Variants in ABCC1 observed in about 807,000 individuals in gnomAD.
ABCC1 encodes the protein ATP binding cassette subfamily C member 1 (ABCC1 blood group), also known as multidrug resistance-associated protein 1.
ABCC1 carries 83 observed loss-of-function variants against 172.9 expected under a neutral mutation model. That is an observed-to-expected ratio of 0.48 (90% CI 0.40 to 0.58). The LOEUF is 0.58. ABCC1 is among the 20% of genes least tolerant of loss of function. The pLI is 0.00. For missense variants in ABCC1, 1,817 were observed against 2,002.7 expected (o/e 0.91, Z 1.77); for synonymous variants, 937 against 825.2 (o/e 1.14, Z -2.32).
In ABCC1 at chr16:16,034,580, CTTTTTTTTTTTTT is replaced by C. The variant is rs35163690; in HGVS notation, c.677+1423_677+1435del. 2.4e-5 allele frequency among the ~76,000 whole-genome samples: 2 copies of C among 84,666 alleles called. 1 individual carries two copies. Among genetic ancestry groups the C allele is most frequent in the Non-Finnish European group, 4.4e-5 (2 of 45,832 alleles). 55.5% of individuals were successfully genotyped at this position (84,666 alleles called of 152,430 possible). ...AAGGCATGTAGAGGCTGTATGTTAA[CTTTTTTTTTTTTT>C]TTTTTTTTTTTTGAGATGGAGTCTT... On this transcript the variant is annotated intron_variant, in intron 6 of 30. Transcript: ENST00000399410.
intron 13 of ABCC1, among the ~76,000 whole-genome samples, chr16:16,069,835 C>G (rs2050266865): frequency 6.6e-6 from 1 of 152,042 alleles, no homozygotes; most frequent in Non-Finnish European, 1.5e-5. Context: ...ACCAGCCTGG[C>G]CAACATGGGG....
chr16:16,000,113 A>G (rs1018284511), intron 1 of ABCC1, among the ~76,000 whole-genome samples: 5 of 151,410 alleles, frequency 3.3e-5, no homozygotes, highest in African/African-American at 1.2e-4. Flanking sequence ...TCGGTCTCCC[A>G]AAGTGTTGGG....
rs2048015635 is a variant in ABCC1, at chr16:16,016,748, G to C, written c.615+127G>C. The stretch of plus-strand genomic sequence containing the variant: ...AGCCTCCCTCAACCCCTGATACAGG[G>C]AATATCATCCCACCTACTTTACAGA... On this transcript the variant is annotated intron_variant, in intron 5 of 30. Transcript: ENST00000399410. 6.6e-6 allele frequency: 9 copies of C among 1,357,468 alleles called. No individual in the cohort carries two copies. The South Asian group carries it at 1.3e-4, about 19-fold the overall frequency. The allele number at this position is 1,357,468 out of a possible 1,614,324, so 84.1% of individuals were successfully genotyped here.
intron 17 of ABCC1, among the ~76,000 whole-genome samples, 192 bp from the exon 18 acceptor site, chr16:16,086,622 TTTTTCTTTTC>T (rs150321278): frequency 1.3e-4 from 19 of 151,538 alleles, no homozygotes; most frequent in Admixed American, 4.6e-4. Flanking sequence ...CTTGGCTAAT[TTTTTCTTTTC>T]TTTTCTTTTC....
Position 16,138,714 on chromosome 16 carries a change from C to CTTT in ABCC1, c.4487+173_4487+175dup, listed in dbSNP as rs397973927. On this transcript the variant is annotated intron_variant, in intron 30 of 30. Transcript: ENST00000399410. ...TCATCCTGGATGGTACCAGCTATTT[C>CTTT]TTTTTTTTTTTTTTTTTTTGAGACA... 2.3e-3 allele frequency among the ~76,000 whole-genome samples: 298 copies of CTTT among 129,658 alleles called. 8 individuals carry two copies. The highest frequency in any genetic ancestry group is 8.1e-3 in the African/African-American group (274 of 33,824). 85.1% of individuals were successfully genotyped at this position (129,658 alleles called of 152,430 possible). A position where few individuals can be genotyped will look rare whatever the true frequency, so the allele number is the denominator to read the frequency against.
intron 24 of ABCC1, among the ~76,000 whole-genome samples, chr16:16,124,259 G>A (rs562095703): frequency 1.3e-5 from 2 of 151,554 alleles, no homozygotes; most frequent in African/African-American, 4.8e-5. Context: ...TCTTACAGTT[G>A]ATGTCTTCTT....
intron 23 of ABCC1, among the ~76,000 whole-genome samples, chr16:16,116,692 AG>A (rs2044888142): frequency 1.3e-5 from 2 of 152,044 alleles, no homozygotes; most frequent in African/African-American, 4.8e-5. Flanking sequence ...CCTCCCAAGT[AG>A]CTGGGATTAC....
intron 12 of ABCC1, among the ~76,000 whole-genome samples, chr16:16,057,830 C>T (rs1292766339): frequency 6.6e-6 from 1 of 152,008 alleles, no homozygotes; most frequent in African/African-American, 2.4e-5. Context: ...GGCTGGAGTA[C>T]TGTGGTGCGA....
intron 19 of ABCC1, among the ~76,000 whole-genome samples, 172 bp downstream of exon 19, chr16:16,090,760 C>T (rs988866267): frequency 6.6e-6 from 1 of 152,044 alleles, no homozygotes; most frequent in African/African-American, 2.4e-5. Flanking sequence ...ACCTTAGTCC[C>T]TGCAGCGCTG....
chr16:15,953,139 C>T (rs1188775927), intron 1 of ABCC1, among the ~76,000 whole-genome samples: 3 of 152,040 alleles, frequency 2.0e-5, no homozygotes, highest in Admixed American at 6.5e-5. Context: ...GGTTCAAGAC[C>T]AGCCTGACCA....
In ABCC1 at chr16:16,035,345, T is replaced by C. The variant is rs2048714427; in HGVS notation, c.678-1127T>C. ...ACAGGAGGCAGAGGTTGCAGTGCAC[T>C]GAGATGGCGCCATTACACTCCAGCC... On this transcript the variant is annotated intron_variant, in intron 6 of 30. Transcript: ENST00000399410. Among the ~76,000 whole-genome samples, 3 of 152,064 alleles carry C rather than the reference T, an allele frequency of 2.0e-5. No individual in the cohort carries two copies. In the South Asian group the frequency reaches 6.2e-4, roughly 32 times the overall value.
In ABCC1 at chr16:16,018,764, T is replaced by C. The variant is rs576880283; in HGVS notation, c.615+2143T>C. ...GCGTGTATGTGCTTATATGTGAATGTGTGCTTGTGAGTGTGTTTATGTTCA... is the reference window on the plus strand; with the variant it reads ...GCGTGTATGTGCTTATATGTGAATGCGTGCTTGTGAGTGTGTTTATGTTCA... On this transcript the variant is annotated intron_variant, in intron 5 of 30. Coordinates refer to ENST00000399410, the MANE Select transcript of ABCC1 (RefSeq NM_004996.4). 7.8e-5 allele frequency among the ~76,000 whole-genome samples: 11 copies of C among 141,752 alleles called. No individual in the cohort carries two copies. In the East Asian group the frequency reaches 2.2e-3, roughly 28 times the overall value. The allele number at this position is 141,752 out of a possible 152,430, so 93.0% of individuals were successfully genotyped here. A position where few individuals can be genotyped will look rare whatever the true frequency, so the allele number is the denominator to read the frequency against.
chr16:15,970,396 G>A (rs1004575459), intron 1 of ABCC1, among the ~76,000 whole-genome samples: 5 of 152,222 alleles, frequency 3.3e-5, no homozygotes, highest in Admixed American at 3.3e-4. Context: ...TAGCTGCAAA[G>A]GAGGCTGGGA....
Position 16,036,580 on chromosome 16 carries a change from G to A in ABCC1, c.786G>A (p.Lys262=). ...QVVPVLVKNW[K]KECAKTRKQP... ...TGCCTGTTTTGGTAAAGAACTGGAA[G>A]AAGGAATGCGCCAAGACTAGGAAGT... Residue 262 remains lysine, a synonymous_variant, in exon 7 of 31, where the codon AAG becomes AAA. Transcript: ENST00000399410. 6.2e-7 allele frequency: 1 copy of A among 1,614,156 alleles called. No individual in the cohort carries two copies. Among genetic ancestry groups the A allele is most frequent in the Non-Finnish European group, 8.5e-7 (1 of 1,179,990 alleles).
chr16:15,981,341 C>T (rs1054538219), intron 1 of ABCC1, among the ~76,000 whole-genome samples: 1 of 152,222 alleles, frequency 6.6e-6, no homozygotes. Flanking sequence ...TCTGCACTGC[C>T]CTAGCAGAGG....
intron 20 of ABCC1, 187 bp from the exon 21 acceptor site, chr16:16,106,551 A>G (rs1596511592): frequency 6.5e-6 from 4 of 618,762 alleles, no homozygotes; most frequent in East Asian, 5.9e-5. Flanking sequence ...CTGGGTACCT[A>G]TAAACCTGGA....
intron 1 of ABCC1, among the ~76,000 whole-genome samples, chr16:15,962,589 A>T (rs1427089038): frequency 6.6e-6 from 1 of 152,200 alleles, no homozygotes; most frequent in Non-Finnish European, 1.5e-5. Context: ...AGGAAACTTA[A>T]AATGATGGTG....
At chr16:16,071,459 G>C (rs199573660) in intron 13 of ABCC1, among the ~76,000 whole-genome samples, 183 bp from the exon 14 acceptor site, 2 of 151,962 alleles carry the variant, frequency 1.3e-5, no homozygotes, top group South Asian at 2.1e-4. Flanking sequence ...AACCAAACCT[G>C]TTTCTTTTTT....
rs559473019 is a variant in ABCC1 at position 15,982,402 on chromosome 16, G to A, written c.49-25414G>A. Among the ~76,000 whole-genome samples the A allele has an allele frequency of 2.4e-4, 37 of 152,094 alleles. No individual in the cohort carries two copies. The South Asian group carries it at 5.8e-3, about 24-fold the overall frequency. ...TCATGGTAGAAGGGGAAGCAAACAC[G>A]TCCTTCTTCACATGGCGGCAGGAAG... is the stretch of plus-strand genomic sequence containing the variant. On this transcript the variant is annotated intron_variant, in intron 1 of 30. Transcript: ENST00000399410.
Sources: allele counts gnomAD v4.1 joint callset (sites outside exome capture counted in the v4.1 genomes callset), GRCh38; gene constraint gnomAD v4.1.1; transcripts MANE v1.5; gene names NCBI Gene and HGNC (gene_info 2026-07-23, HGNC 2026-07-21).